Variants in TMTC2 observed in about 807,000 individuals in gnomAD.
The protein encoded by TMTC2 is protein O-mannosyl-transferase TMTC2.
Under a neutral mutation model 82.4 loss-of-function variants are expected in TMTC2, and 43 were observed. That is an observed-to-expected ratio of 0.52 (90% CI 0.41 to 0.67). The LOEUF (loss-of-function observed/expected upper bound fraction) is 0.67, where lower values mean the gene tolerates loss of function less well. Ranked by LOEUF, TMTC2 falls within the 30% of genes least tolerant of loss-of-function variation. The pLI is 0.00. For missense variants in TMTC2, 919 were observed against 1,012.4 expected, an observed-to-expected ratio of 0.91 and a Z score of 1.25; for synonymous variants, 408 against 381.9, an observed-to-expected ratio of 1.07 and a Z score of -0.80.
At chr12:82,772,927 G>A (rs992765147) in intron 1 of TMTC2, among the ~76,000 whole-genome samples, 26 of 151,980 alleles carry the variant, frequency 1.7e-4, no homozygotes, top group African/African-American at 5.8e-4. Context: ...AATGAAAAAA[G>A]GATAATTATT....
intron 1 of TMTC2, among the ~76,000 whole-genome samples, chr12:82,843,960 A>T (rs909459681): frequency 5.3e-5 from 8 of 152,244 alleles, no homozygotes; most frequent in African/African-American, 1.9e-4. Context: ...GAGGACAAAA[A>T]AGTTGATTTG....
chr12:82,865,933 G>C (rs968125666), intron 2 of TMTC2, among the ~76,000 whole-genome samples: 53 of 152,196 alleles, frequency 3.5e-4, no homozygotes, highest in African/African-American at 1.3e-3. Flanking sequence ...ACGAAATGAA[G>C]GCAGAAATAA....
At chr12:83,005,509 G>A (rs780020224) in intron 8 of TMTC2, among the ~76,000 whole-genome samples, 6 of 152,030 alleles carry the variant, frequency 3.9e-5, no homozygotes, top group Non-Finnish European at 7.4e-5. Context: ...CACTGGTGCC[G>A]TGCCCTTGAA....
At chr12:82,963,703 T>C (rs1289535881) in intron 4 of TMTC2, among the ~76,000 whole-genome samples, 2 of 148,062 alleles carry the variant, frequency 1.4e-5, no homozygotes, top group African/African-American at 4.9e-5. Context: ...GCAGGAAGCT[T>C]TATTCTCTCT....
At chr12:82,992,056 TTTGGC>T (rs1308263621) in intron 8 of TMTC2, among the ~76,000 whole-genome samples, 1 of 152,324 alleles carries the variant, frequency 6.6e-6, no homozygotes. Flanking sequence ...AAACCTTTAT[TTTGGC>T]TACGGCATGA....
chr12:83,107,986 T>C (rs1018827484), intron 11 of TMTC2, among the ~76,000 whole-genome samples: 1 of 152,046 alleles, frequency 6.6e-6, no homozygotes, highest in Admixed American at 6.5e-5. Context: ...TATGGTTGTT[T>C]AAAAGTGTGT....
At chr12:82,789,276 CA>C (rs1231466229) in intron 1 of TMTC2, among the ~76,000 whole-genome samples, 2 of 151,950 alleles carry the variant, frequency 1.3e-5, no homozygotes, top group Non-Finnish European at 2.9e-5. Flanking sequence ...AGAACTGTGT[CA>C]GGGGAAAAAA....
chr12:82,997,221 C>CTCTCTCTCTCTCTCTATATATA (rs1451262969), intron 8 of TMTC2, among the ~76,000 whole-genome samples: 3 of 118,512 alleles, frequency 2.5e-5, no homozygotes, highest in African/African-American at 1.1e-4. Context: ...CTCTCTCTCT[C>CTCTCTCTCTCTCTCTATATATA]TATATATATA....
chr12:83,088,597 A>C (rs1361015118), intron 11 of TMTC2, among the ~76,000 whole-genome samples: 1 of 152,196 alleles, frequency 6.6e-6, no homozygotes, highest in Admixed American at 6.5e-5. Flanking sequence ...GGGAGGCCCG[A>C]GGAGAAGGAG....
intron 3 of TMTC2, among the ~76,000 whole-genome samples, chr12:82,905,867 C>T (rs1057287344): frequency 1.1e-4 from 17 of 151,864 alleles, no homozygotes; most frequent in Admixed American, 3.3e-4. Context: ...ATCGCTTGAA[C>T]CCAGGAGGCA....
At chr12:82,714,963 C>A (rs954596604) in intron 1 of TMTC2, among the ~76,000 whole-genome samples, 2 of 151,998 alleles carry the variant, frequency 1.3e-5, no homozygotes, top group Non-Finnish European at 2.9e-5. Flanking sequence ...TGACAAAAAG[C>A]AGATTAATAG....
intron 11 of TMTC2, among the ~76,000 whole-genome samples, chr12:83,077,488 C>T (rs1883318329): frequency 6.6e-6 from 1 of 152,098 alleles, no homozygotes; most frequent in Non-Finnish European, 1.5e-5. Flanking sequence ...TATATGAAGG[C>T]TGTCATATTA....
chr12:82,786,407 C>A (rs911633996), intron 1 of TMTC2, among the ~76,000 whole-genome samples: 1 of 151,958 alleles, frequency 6.6e-6, no homozygotes, highest in African/African-American at 2.4e-5. Context: ...TGTAATGGCT[C>A]TCACCGTTCA....
In TMTC2 at chr12:82,935,686, T is replaced by G. The variant is rs564990571; in HGVS notation, c.1598+5141T>G. Among the ~76,000 whole-genome samples the G allele has an allele frequency of 3.1e-4, 47 of 152,272 alleles. No homozygotes were observed. The South Asian group carries it at 9.1e-3, about 30-fold the overall frequency. On this transcript the variant is annotated intron_variant, in intron 4 of 11. Coordinates refer to ENST00000321196, the MANE Select transcript of TMTC2 (RefSeq NM_152588.3). Reference sequence around the variant, plus strand: ...TTAAAAAGGTAATTCAATAGAGCATTAAATATTGTATTAGGAATTAGATTT... The same window carrying G: ...TTAAAAAGGTAATTCAATAGAGCATGAAATATTGTATTAGGAATTAGATTT...
chr12:82,801,994 G>A (rs1044102118), intron 1 of TMTC2, among the ~76,000 whole-genome samples: 1 of 151,998 alleles, frequency 6.6e-6, no homozygotes, highest in African/African-American at 2.4e-5. Context: ...TCCTGCACGG[G>A]GGCACAGGTG....
intron 2 of TMTC2, among the ~76,000 whole-genome samples, chr12:82,885,803 T>G (rs1873069064): frequency 6.6e-6 from 1 of 152,176 alleles, no homozygotes. Context: ...GATAGTGTTT[T>G]TCAGGTTTCT....
intron 1 of TMTC2, among the ~76,000 whole-genome samples, chr12:82,728,675 TGAG>T (rs1377806380): frequency 1.3e-5 from 2 of 152,214 alleles, no homozygotes; most frequent in Non-Finnish European, 2.9e-5. Flanking sequence ...TGGTCACGCT[TGAG>T]GAGCCCTTCA....
chr12:82,863,166 C>A (rs1876607), intron 2 of TMTC2, among the ~76,000 whole-genome samples: 13 of 152,016 alleles, frequency 8.6e-5, no homozygotes, highest in Admixed American at 8.5e-4. Flanking sequence ...TGACCCCCCC[C>A]CAATATCAAT....
At chr12:83,072,334 T>C (rs1883147881) in intron 11 of TMTC2, among the ~76,000 whole-genome samples, 1 of 152,218 alleles carries the variant, frequency 6.6e-6, no homozygotes, top group Admixed American at 6.5e-5. Flanking sequence ...TTGGAGTTGA[T>C]TTCCGGCTTT....
Sources: allele counts gnomAD v4.1 joint callset (sites outside exome capture counted in the v4.1 genomes callset), GRCh38; gene constraint gnomAD v4.1.1; transcripts MANE v1.5; gene names NCBI Gene and HGNC (gene_info 2026-07-23, HGNC 2026-07-21).